The following MEGF11 variants were observed in gnomAD, a reference collection of about 807,000 sequenced individuals.
MEGF11 encodes the protein multiple EGF like domains 11, also known as multiple epidermal growth factor-like domains protein 11.
MEGF11 carries 126 observed loss-of-function variants against 146.6 expected under a neutral mutation model. The observed-to-expected ratio is 0.86, with a 90% CI of 0.74 to 1.00. MEGF11 has a LOEUF of 1.00. MEGF11 is among the 50% of genes least tolerant of loss of function. The pLI is 0.00. For synonymous variants in MEGF11, 532 were observed against 583.4 expected, an observed-to-expected ratio of 0.91 and a Z score of 1.27; for missense variants, 1,509 against 1,521.2, an observed-to-expected ratio of 0.99 and a Z score of 0.13.
chr15:66,178,054 T>C (rs146345233), intron 1 of MEGF11, among the ~76,000 whole-genome samples: 105 of 151,888 alleles, frequency 6.9e-4, no homozygotes, highest in African/African-American at 2.4e-3. Flanking sequence ...CACTATCACA[T>C]CTCACTGCAG....
chr15:65,911,182 A>G (rs763899873), intron 21 of MEGF11, among the ~76,000 whole-genome samples: 20 of 152,224 alleles, frequency 1.3e-4, no homozygotes, highest in Non-Finnish European at 2.2e-4. Flanking sequence ...ATGAAGACCT[A>G]CAGAACTCAG....
chr15:65,935,123 A>G (rs1267346438), intron 10 of MEGF11, among the ~76,000 whole-genome samples: 1 of 151,942 alleles, frequency 6.6e-6, no homozygotes, highest in African/African-American at 2.4e-5. Context: ...GATTGAGACC[A>G]TCCTGGCCAA....
chr15:66,018,926 G>A (rs2082994988), intron 5 of MEGF11, among the ~76,000 whole-genome samples: 1 of 152,226 alleles, frequency 6.6e-6, no homozygotes, highest in African/African-American at 2.4e-5. Context: ...GAGGAGAAAC[G>A]CAGAAAGAAG....
chr15:65,993,397 C>T (rs575547487), intron 5 of MEGF11, among the ~76,000 whole-genome samples: 7 of 152,314 alleles, frequency 4.6e-5, no homozygotes, highest in Admixed American at 2.6e-4. Context: ...CAGCTCCCAG[C>T]GGCCCAGCAG....
intron 1 of MEGF11, among the ~76,000 whole-genome samples, chr15:66,213,189 C>T (rs940738549): frequency 7.9e-5 from 12 of 152,056 alleles, no homozygotes; most frequent in African/African-American, 2.4e-4. Context: ...GGCCCCTCCT[C>T]GTGAATAAAA....
At chr15:66,162,898 A>G (rs1010662757) in intron 1 of MEGF11, among the ~76,000 whole-genome samples, 9 of 152,260 alleles carry the variant, frequency 5.9e-5, no homozygotes, top group Admixed American at 5.9e-4. Flanking sequence ...GGTGGAGGTT[A>G]AGTTCAAAAG....
chr15:66,057,051 G>A (rs2084703323), intron 5 of MEGF11, among the ~76,000 whole-genome samples: 1 of 152,196 alleles, frequency 6.6e-6, no homozygotes, highest in African/African-American at 2.4e-5. Flanking sequence ...CCCTTCAGAT[G>A]TTTATCTTAC....
intron 5 of MEGF11, among the ~76,000 whole-genome samples, chr15:66,058,336 C>A (rs528892229): frequency 6.6e-6 from 1 of 152,096 alleles, no homozygotes; most frequent in African/African-American, 2.4e-5. Context: ...TTCCATCAAG[C>A]CTGGAAGTTT....
intron 1 of MEGF11, among the ~76,000 whole-genome samples, chr15:66,214,468 G>T (rs370779320): frequency 6.6e-6 from 1 of 152,182 alleles, no homozygotes; most frequent in South Asian, 2.1e-4. Context: ...GGGAGGTCTC[G>T]GGCAGGGGGA....
chr15:66,089,731 T>G (rs962068446), intron 5 of MEGF11, among the ~76,000 whole-genome samples: 1 of 152,238 alleles, frequency 6.6e-6, no homozygotes, highest in African/African-American at 2.4e-5. Context: ...CATTTCCCAG[T>G]GCGGAAATAA....
intron 23 of MEGF11, among the ~76,000 whole-genome samples, chr15:65,908,676 C>T (rs2078702626): frequency 6.6e-6 from 1 of 152,206 alleles, no homozygotes. Context: ...GTTATCCACT[C>T]CAACAGGGCC....
chr15:66,238,291 C>T (rs2140228871), intron 1 of MEGF11, among the ~76,000 whole-genome samples: 1 of 152,268 alleles, frequency 6.6e-6, no homozygotes, highest in Non-Finnish European at 1.5e-5. Flanking sequence ...CAGAGAAAGG[C>T]TGGAAGCTGC....
At chr15:66,155,475 T>C (rs2089723415) in intron 1 of MEGF11, among the ~76,000 whole-genome samples, 1 of 152,188 alleles carries the variant, frequency 6.6e-6, no homozygotes, top group South Asian at 2.1e-4. Context: ...ACTCCCTTGC[T>C]GACTTCCTCC....
At chr15:66,183,045 G>A (rs1438839823) in intron 1 of MEGF11, among the ~76,000 whole-genome samples, 1 of 152,196 alleles carries the variant, frequency 6.6e-6, no homozygotes, top group Non-Finnish European at 1.5e-5. Flanking sequence ...GAGAAAAGCT[G>A]AAATGGAAGA....
intron 5 of MEGF11, among the ~76,000 whole-genome samples, chr15:66,085,488 T>C (rs2086068952): frequency 6.6e-6 from 1 of 152,074 alleles, no homozygotes; most frequent in African/African-American, 2.4e-5. Context: ...CATAGACAGT[T>C]TACATCACAG....
intron 5 of MEGF11, among the ~76,000 whole-genome samples, chr15:66,037,281 T>A (rs2140272562): frequency 6.6e-6 from 1 of 152,328 alleles, no homozygotes; most frequent in Middle Eastern, 3.4e-3. Flanking sequence ...ATACTTACCA[T>A]GAGTCAATGA....
At chr15:66,179,310 T>C (rs1774099659) in intron 1 of MEGF11, among the ~76,000 whole-genome samples, 4 of 152,116 alleles carry the variant, frequency 2.6e-5, no homozygotes, top group Admixed American at 2.6e-4. Context: ...TTTTTGTATT[T>C]TTAGTAGAGA....
At chr15:65,959,527 C>T (rs1596908749) in intron 9 of MEGF11, among the ~76,000 whole-genome samples, 1 of 152,208 alleles carries the variant, frequency 6.6e-6, no homozygotes, top group East Asian at 1.9e-4. Flanking sequence ...TCTGAGGCTA[C>T]ATATCAGGAG....
intron 4 of MEGF11, among the ~76,000 whole-genome samples, chr15:66,115,982 TG>T (rs1442189998): frequency 6.6e-6 from 1 of 152,098 alleles, no homozygotes; most frequent in African/African-American, 2.4e-5. Flanking sequence ...GCCCAGCCTG[TG>T]GTACTTTGTA....
Sources: gnomAD v4.1 joint callset for allele counts (sites outside exome capture counted in the v4.1 genomes callset) on GRCh38, gnomAD v4.1.1 for gene constraint, MANE v1.5 for transcripts, NCBI Gene and HGNC (gene_info 2026-07-23, HGNC 2026-07-21) for gene names.